The following GRIK1 variants were observed in gnomAD, a reference collection of about 807,000 sequenced individuals.
GRIK1 encodes the protein glutamate receptor ionotropic, kainate 1.
Under a neutral mutation model 105.7 loss-of-function variants are expected in GRIK1, and 69 were observed. The ratio of observed to expected loss-of-function variants is 0.65; its 90% CI spans 0.54 to 0.80. The LOEUF (loss-of-function observed/expected upper bound fraction) is 0.80, where lower values mean the gene tolerates loss of function less well. GRIK1 is among the 30% of genes least tolerant of loss of function. The probability of loss-of-function intolerance (pLI) is 0.00; values close to 1 mark genes in which losing one functional copy is unlikely to be tolerated. For synonymous variants in GRIK1, 438 were observed against 431.3 expected, an observed-to-expected ratio of 1.02 and a Z score of -0.19; for missense variants, 1,109 against 1,167.3, an observed-to-expected ratio of 0.95 and a Z score of 0.73.
chr21:29,654,840 G>T lies in GRIK1; in HGVS notation c.750C>A (p.Thr250=). The change falls in exon 5 of 18, where the codon ACC becomes ACA. Residue 250 remains threonine, a synonymous_variant. Coordinates refer to ENST00000327783, the MANE Select transcript of GRIK1 (RefSeq NM_001330994.2). ...TTGTGAAAAAGTAGTGATAGTACTC[G>T]GTCATCATGCCCATGAACAGAATCT... ...LKQILFMGMM[T]EYYHYFFTTL... is the part of the protein sequence containing the mutation. 1.3e-6 allele frequency: 2 copies of T among 1,587,038 alleles called. No individual in the cohort carries two copies. The highest frequency in any genetic ancestry group is 1.7e-4 in the Middle Eastern group (1 of 6,014).
chr21:29,550,312 C>T (rs2090113113), intron 16 of GRIK1, among the ~76,000 whole-genome samples: 1 of 151,972 alleles, frequency 6.6e-6, no homozygotes, highest in Non-Finnish European at 1.5e-5. Context: ...TTCCTGAATT[C>T]TAAGTGGAAA....
chr21:29,537,284 T>C lies in GRIK1; in HGVS notation c.2796A>G (p.Thr932=). 6.2e-7 allele frequency: 1 copy of C among 1,612,444 alleles called. No individual in the cohort carries two copies. Among genetic ancestry groups the C allele is most frequent in the Non-Finnish European group, 8.5e-7 (1 of 1,178,850 alleles). ...GTCTCTGATGACAAGTAAGGATACTTGTGAAGGAAGATTTCCCCTTAGTTC... is the reference window on the plus strand; with the variant it reads ...GTCTCTGATGACAAGTAAGGATACTCGTGAAGGAAGATTTCCCCTTAGTTC... ...KSRTKGKSSF[T]SILTCHQRRT... Residue 932 remains threonine, a synonymous_variant, in exon 18 of 18, where the codon ACA becomes ACG. Transcript: ENST00000327783.
intron 1 of GRIK1, among the ~76,000 whole-genome samples, chr21:29,928,641 C>A (rs1049166742): frequency 3.9e-5 from 6 of 152,190 alleles, no homozygotes; most frequent in Non-Finnish European, 7.3e-5. Flanking sequence ...CCCAAAGAGG[C>A]GCTGGGTAAG....
chr21:29,596,597 TAAAAAC>T, intron 8 of GRIK1, 27 bp from the exon 9 acceptor site: 1 of 1,546,434 alleles, frequency 6.5e-7, no homozygotes, highest in Non-Finnish European at 8.9e-7. Flanking sequence ...AAAAATAAAA[TAAAAAC>T]AGCACTTAAT....
intron 1 of GRIK1, among the ~76,000 whole-genome samples, chr21:29,733,132 C>A (rs2064683911): frequency 6.6e-6 from 1 of 152,020 alleles, no homozygotes; most frequent in Non-Finnish European, 1.5e-5. Flanking sequence ...TGAATATCTG[C>A]CATATATTTC....
At chr21:29,553,248 T>C (rs2090166665) in intron 16 of GRIK1, 1 of 1,005,852 alleles carries the variant, frequency 9.9e-7, no homozygotes, top group East Asian at 9.5e-5. Context: ...GAATCTCCTT[T>C]TTCATGAAGG....
chr21:29,578,358 G>A (rs929343721), intron 13 of GRIK1, among the ~76,000 whole-genome samples: 2 of 152,152 alleles, frequency 1.3e-5, no homozygotes, highest in Non-Finnish European at 2.9e-5. Flanking sequence ...AAGCTCTGTC[G>A]TTAATAATGG....
chr21:29,701,876 ATAAG>A (rs1407030653), intron 1 of GRIK1, among the ~76,000 whole-genome samples: 2 of 152,230 alleles, frequency 1.3e-5, no homozygotes, highest in African/African-American at 4.8e-5. Flanking sequence ...CTGATGATGC[ATAAG>A]TAAGAGGAAG....
intron 1 of GRIK1, among the ~76,000 whole-genome samples, chr21:29,730,403 T>C (rs1254530155): frequency 6.6e-6 from 1 of 152,224 alleles, no homozygotes; most frequent in African/African-American, 2.4e-5. Context: ...ACAGGAATTC[T>C]TTTTAAACCA....
rs919656271 is a variant in GRIK1 at position 29,537,635 on chromosome 21, C to T, written c.2694+163G>A. On this transcript the variant is annotated intron_variant, in intron 17 of 17. Transcript: ENST00000327783. The stretch of plus-strand genomic sequence containing the variant: ...CACAAATGCAGTAGTATAAAACTAC[C>T]CAGTTAAAGCAAACTCAGGGCTCTC... 8.4e-6 allele frequency: 6 copies of T among 712,146 alleles called. No individual in the cohort carries two copies. In the African/African-American group the frequency reaches 8.9e-5, roughly 11 times the overall value. 44.1% of individuals were successfully genotyped at this position (712,146 alleles called of 1,614,324 possible). A position where few individuals can be genotyped will look rare whatever the true frequency, so the allele number is the denominator to read the frequency against.
intron 1 of GRIK1, among the ~76,000 whole-genome samples, chr21:29,864,374 C>T (rs1321277594): frequency 6.6e-6 from 1 of 152,030 alleles, no homozygotes; most frequent in African/African-American, 2.4e-5. Flanking sequence ...TTCTTCTACC[C>T]TACTTTCTCT....
At position 29,629,335 on chromosome 21, in the gene GRIK1, A is replaced by G. The variant is rs113083910; in HGVS notation, c.1098+13491T>C. ...GAGTGGCAGAAAGGGCATTCTTAGC[A>G]GAGGAAAAAAGATGGACAGCAGCAC... On this transcript the variant is annotated intron_variant, in intron 7 of 17. Transcript: ENST00000327783. Among the ~76,000 whole-genome samples the G allele has an allele frequency of 6.8e-3, 1,039 of 152,094 alleles. 11 individuals carry two copies. The highest frequency in any genetic ancestry group is 0.024 in the African/African-American group (982 of 41,472).
chr21:29,840,774 G>A (rs2205178), intron 1 of GRIK1, among the ~76,000 whole-genome samples: 26,394 of 151,906 alleles, frequency 0.17, 2,791 homozygotes, highest in East Asian at 0.35. Context: ...AACTCTCAAT[G>A]CAGAACAAGA....
intron 1 of GRIK1, among the ~76,000 whole-genome samples, chr21:29,745,792 CTTTGTA>C (rs1444820560): frequency 2.0e-5 from 3 of 152,262 alleles, no homozygotes; most frequent in Non-Finnish European, 4.4e-5. Flanking sequence ...CATTTTTAAA[CTTTGTA>C]TTTCTTAAAA....
rs750354115 is a variant in GRIK1, at chr21:29,672,968, C to G, written c.726+15G>C. On this transcript the variant is annotated intron_variant, in intron 4 of 17. Transcript: ENST00000327783. ...CATTTATCCCACACCTCCACCTCCT[C>G]CCTAGCCCTCTTACCTGCTTAAGGA... The G allele has an allele frequency of 6.3e-7, 1 of 1,590,702 alleles. No homozygotes were observed. Among genetic ancestry groups the G allele is most frequent in the East Asian group, 2.2e-5 (1 of 44,542 alleles).
At chr21:29,659,348 GT>G (rs1483097062) in intron 4 of GRIK1, among the ~76,000 whole-genome samples, 1 of 152,194 alleles carries the variant, frequency 6.6e-6, no homozygotes, top group African/African-American at 2.4e-5. Flanking sequence ...CAACAAAACA[GT>G]TTTCCCCCCC....
rs754801254 is a variant in GRIK1, at chr21:29,767,812, ATG to A, written c.119-73751_119-73750del. Among the ~76,000 whole-genome samples the A allele has an allele frequency of 5.7e-3, 834 of 145,568 alleles. 8 individuals carry two copies. The highest frequency in any genetic ancestry group is 0.02 in the African/African-American group (764 of 38,996). ...TTCTCCTCAGCTGAAATTTGTATGTATGTGTGTGTGTGTGTGTGTTTGTGTGT... is the reference window on the plus strand; with the variant it reads ...TTCTCCTCAGCTGAAATTTGTATGTATGTGTGTGTGTGTGTGTTTGTGTGT... On this transcript the variant is annotated intron_variant, in intron 1 of 17. Coordinates refer to ENST00000327783, the MANE Select transcript of GRIK1 (RefSeq NM_001330994.2).
At position 29,916,698 on chromosome 21, in the gene GRIK1, G is replaced by C. The variant is rs374098939; in HGVS notation, c.118+22685C>G. On this transcript the variant is annotated intron_variant, in intron 1 of 17. Coordinates refer to ENST00000327783, the MANE Select transcript of GRIK1 (RefSeq NM_001330994.2). Reference sequence around the variant, plus strand: ...TCATCTTATTGTGACTAAATCTCTTGTAAGAACTCTGTCTCCACTTCAGAA... The same window carrying C: ...TCATCTTATTGTGACTAAATCTCTTCTAAGAACTCTGTCTCCACTTCAGAA... 3.0e-4 allele frequency among the ~76,000 whole-genome samples: 46 copies of C among 151,002 alleles called. No homozygotes were observed. In the Middle Eastern group the frequency reaches 0.01, roughly 33 times the overall value.
intron 4 of GRIK1, among the ~76,000 whole-genome samples, chr21:29,658,551 T>A (rs2062900510): frequency 6.6e-6 from 1 of 152,222 alleles, no homozygotes; most frequent in Non-Finnish European, 1.5e-5. Flanking sequence ...CGTGAGCCAC[T>A]GCACCTGGCC....
Sources: allele counts gnomAD v4.1 joint callset (sites outside exome capture counted in the v4.1 genomes callset), GRCh38; gene constraint gnomAD v4.1.1; transcripts MANE v1.5; gene names NCBI Gene and HGNC (gene_info 2026-07-23, HGNC 2026-07-21).